Variants in BET1 observed in about 807,000 individuals in gnomAD.
The protein encoded by BET1 is Bet1 golgi vesicular membrane trafficking protein, also known as BET1 homolog.
BET1 carries 9 observed loss-of-function variants against 13.9 expected under a neutral mutation model. The ratio of observed to expected loss-of-function variants is 0.65; its 90% CI spans 0.39 to 1.13. The LOEUF (loss-of-function observed/expected upper bound fraction) is 1.13. Among genes scored for constraint, BET1 ranks in the 50% most tolerant of loss-of-function variants. The pLI, the probability that BET1 is intolerant of heterozygous loss-of-function variation, is 0.01. For missense variants in BET1, 127 were observed against 133.6 expected, an observed-to-expected ratio of 0.95 and a Z score of 0.24; for synonymous variants, 39 against 47.3, an observed-to-expected ratio of 0.82 and a Z score of 0.72.
Position 93,996,341 on chromosome 7 carries a change from C to T in BET1, c.145-20G>A, listed in dbSNP as rs1161710731. On this transcript the variant is annotated intron_variant, in intron 2 of 3. Transcript: ENST00000222547. Reference sequence around the variant, plus strand: ...GGAAAGCTATAAAGAAGAAGGTATACACAGGATTACTCACATAAAAGTATT... The same window carrying T: ...GGAAAGCTATAAAGAAGAAGGTATATACAGGATTACTCACATAAAAGTATT... The T allele has an allele frequency of 2.0e-6, 3 of 1,505,552 alleles. No individual in the cohort carries two copies. The highest frequency in any genetic ancestry group is 2.7e-6 in the Non-Finnish European group (3 of 1,109,580). The allele number at this position is 1,505,552 out of a possible 1,614,324, so 93.3% of individuals were successfully genotyped here.
At chr7:93,982,960 G>A (rs1388699411) in intron 4 of BET1, among the ~76,000 whole-genome samples, 8 of 152,058 alleles carry the variant, frequency 5.3e-5, no homozygotes, top group Non-Finnish European at 1.2e-4. Context: ...TAGCACTGAC[G>A]TAATTGACCC....
At chr7:93,971,145 C>T (rs1308588133) in intron 6 of BET1, among the ~76,000 whole-genome samples, 1 of 151,770 alleles carries the variant, frequency 6.6e-6, no homozygotes, top group Non-Finnish European at 1.5e-5. Context: ...AAAATATATA[C>T]TGTATATACT....
At chr7:93,991,470 C>T (rs1795632486), downstream of BET1, among the ~76,000 whole-genome samples, 1 of 152,164 alleles carries the variant, frequency 6.6e-6, no homozygotes, top group Admixed American at 6.5e-5. Flanking sequence ...GCTAATTGTG[C>T]ATGTATATTC....
intron 1 of BET1, among the ~76,000 whole-genome samples, chr7:94,000,662 C>T (rs1795881947): frequency 6.6e-6 from 1 of 151,956 alleles, no homozygotes; most frequent in Admixed American, 6.6e-5. Context: ...GATGGTTGGA[C>T]TAATCTATAG....
chr7:93,977,630 A>G (rs756302849), intron 4 of BET1, among the ~76,000 whole-genome samples: 6 of 151,932 alleles, frequency 3.9e-5, no homozygotes, highest in Non-Finnish European at 7.4e-5. Flanking sequence ...CTCTCTCTCT[A>G]GCTCTTATTC....
Position 93,997,935 on chromosome 7 carries a change from T to C in BET1, c.144+1235A>G, listed in dbSNP as rs996517802. 2.6e-5 allele frequency among the ~76,000 whole-genome samples: 4 copies of C among 152,310 alleles called. No homozygotes were observed. The East Asian group carries it at 5.8e-4, about 22-fold the overall frequency. On this transcript the variant is annotated intron_variant, in intron 2 of 3. Coordinates refer to ENST00000222547, the MANE Select transcript of BET1 (RefSeq NM_005868.6). ...CAGAAATGGCACAAATGGTCTTATGTTCATAAGAAGAAAAGTTACTTTTGG... is the reference window on the plus strand; with the variant it reads ...CAGAAATGGCACAAATGGTCTTATGCTCATAAGAAGAAAAGTTACTTTTGG...
chr7:93,998,229 G>A lies in BET1; in HGVS notation c.144+941C>T, dbSNP rs367574222. ...GATCTATCTGATTTAATCAAGCTAC[G>A]AAGCATGAACTTTATTAAATCATGG... On this transcript the variant is annotated intron_variant, in intron 2 of 3. Coordinates refer to ENST00000222547, the MANE Select transcript of BET1 (RefSeq NM_005868.6). 2.8e-4 allele frequency among the ~76,000 whole-genome samples: 43 copies of A among 152,294 alleles called. No homozygotes were observed. The South Asian group carries it at 8.7e-3, about 31-fold the overall frequency.
At chr7:94,002,248 G>A (rs149583821) in intron 1 of BET1, among the ~76,000 whole-genome samples, 13 of 152,168 alleles carry the variant, frequency 8.5e-5, no homozygotes, top group African/African-American at 3.1e-4. Context: ...AGATTCATGT[G>A]AAGTGTGGCA....
chr7:93,964,991 A>G (rs1404520952), exon 7 of BET1: 4 of 152,130 alleles, frequency 2.6e-5, no homozygotes, highest in Non-Finnish European at 5.9e-5. Context: ...CCAAAGGAAA[A>G]TAAATCATTC....
intron 4 of BET1, among the ~76,000 whole-genome samples, chr7:93,987,571 C>T (rs866826503): frequency 1.3e-5 from 2 of 151,956 alleles, no homozygotes; most frequent in Non-Finnish European, 2.9e-5. Context: ...ACTGGGTTTC[C>T]GTATCTGGTT....
chr7:93,976,998 G>GTT (rs1262373827), intron 4 of BET1, among the ~76,000 whole-genome samples: 2 of 152,110 alleles, frequency 1.3e-5, no homozygotes, highest in Non-Finnish European at 2.9e-5. Flanking sequence ...TCCTGCGAAT[G>GTT]CCCTTATTTT....
downstream of BET1, chr7:93,992,546 C>A: frequency 1.0e-6 from 1 of 985,320 alleles, no homozygotes; most frequent in Non-Finnish European, 1.2e-6. Context: ...ATACTTGACA[C>A]AAAGTACAGT....
intron 4 of BET1, among the ~76,000 whole-genome samples, chr7:93,982,355 G>C (rs554913250): frequency 6.6e-6 from 1 of 152,164 alleles, no homozygotes; most frequent in South Asian, 2.1e-4. Context: ...CATTATAATT[G>C]ACAACTCTCA....
chr7:93,970,538 A>C (rs1417577456), intron 6 of BET1, among the ~76,000 whole-genome samples: 1 of 151,846 alleles, frequency 6.6e-6, no homozygotes, highest in Non-Finnish European at 1.5e-5. Flanking sequence ...GCAAATATAT[A>C]GTCATAATTC....
chr7:94,003,323 CTT>C (rs1214095515), intron 1 of BET1, among the ~76,000 whole-genome samples: 2 of 151,860 alleles, frequency 1.3e-5, no homozygotes, highest in South Asian at 4.2e-4. Context: ...CTTTCACTGA[CTT>C]TAAATATCTG....
chr7:93,993,899 T>C lies in BET1; in HGVS notation c.*331A>G. 1.3e-6 allele frequency: 2 copies of C among 1,535,878 alleles called. No individual in the cohort carries two copies. The highest frequency in any genetic ancestry group is 1.7e-6 in the Non-Finnish European group (2 of 1,146,780). ...TACTCTCCCACTAAGTTTCCTTACA[T>C]GGGACATAAACCTGCATTTATGATT... On this transcript the variant is annotated 3_prime_UTR_variant, in exon 4 of 4. Transcript: ENST00000222547.
Position 94,001,432 on chromosome 7 carries a change from A to G in BET1, c.20-2138T>C, listed in dbSNP as rs1212690858. 3.3e-5 allele frequency among the ~76,000 whole-genome samples: 5 copies of G among 152,338 alleles called. No individual in the cohort carries two copies. In the East Asian group the frequency reaches 9.6e-4, roughly 29 times the overall value. On this transcript the variant is annotated intron_variant, in intron 1 of 3. Transcript: ENST00000222547. The stretch of plus-strand genomic sequence containing the variant: ...TTCCATATCCTCCCTGTACCTAATG[A>G]GTACTTTATATGCAGCAGATACCTA...
At chr7:93,978,322 G>C (rs1795373449) in intron 4 of BET1, among the ~76,000 whole-genome samples, 1 of 152,104 alleles carries the variant, frequency 6.6e-6, no homozygotes, top group African/African-American at 2.4e-5. Context: ...GCCCACCTTG[G>C]CCTCCCAAAG....
downstream of BET1, chr7:93,992,101 G>A (rs1207203157): frequency 1.6e-5 from 16 of 985,204 alleles, no homozygotes; most frequent in Non-Finnish European, 1.8e-5. Flanking sequence ...TGTGTCCAGA[G>A]GAGTTCCCTG....
Sources: allele counts gnomAD v4.1 joint callset (sites outside exome capture counted in the v4.1 genomes callset), GRCh38; gene constraint gnomAD v4.1.1; transcripts MANE v1.5; gene names NCBI Gene and HGNC (gene_info 2026-07-23, HGNC 2026-07-21).